Variants in AATF observed in about 807,000 individuals in gnomAD.
AATF encodes the protein apoptosis antagonizing transcription factor.
A neutral mutation model predicts 63.7 loss-of-function variants in AATF; 48 were observed. The observed-to-expected ratio is 0.75, with a 90% confidence interval of 0.60 to 0.96. The LOEUF is 0.96. Ranked by LOEUF, AATF falls within the 40% of genes least tolerant of loss-of-function variation. The pLI, the probability that AATF is intolerant of heterozygous loss-of-function variation, is 0.00. For synonymous variants in AATF, 258 were observed against 247.7 expected, an observed-to-expected ratio of 1.04 and a Z score of -0.39; for missense variants, 639 against 685.7, an observed-to-expected ratio of 0.93 and a Z score of 0.76.
chr17:36,972,089 T>G (rs752122070), intron 4 of AATF, among the ~76,000 whole-genome samples: 2 of 152,170 alleles, frequency 1.3e-5, no homozygotes, highest in Non-Finnish European at 2.9e-5. Flanking sequence ...TATGTGTGCT[T>G]ATTCCCAGAT....
At chr17:37,027,032 T>G (rs1005381562) in intron 10 of AATF, among the ~76,000 whole-genome samples, 20 of 152,204 alleles carry the variant, frequency 1.3e-4, no homozygotes, top group African/African-American at 4.6e-4. Flanking sequence ...TAGCAAAGAT[T>G]AACATTACCT....
chr17:36,965,047 G>T (rs1204500231), intron 4 of AATF, among the ~76,000 whole-genome samples: 1 of 152,148 alleles, frequency 6.6e-6, no homozygotes, highest in Non-Finnish European at 1.5e-5. Context: ...ATTCCTCATT[G>T]ATGTATTCTT....
chr17:37,052,824 T>C (rs1381844447), intron 11 of AATF: 1 of 152,136 alleles, frequency 6.6e-6, no homozygotes, highest in Non-Finnish European at 1.5e-5. Context: ...GGTACAGAGA[T>C]TGAGAAAGCA....
intron 8 of AATF, among the ~76,000 whole-genome samples, chr17:37,013,634 A>G (rs934966554): frequency 6.6e-6 from 1 of 152,112 alleles, no homozygotes; most frequent in Non-Finnish European, 1.5e-5. Context: ...GACTTCATCT[A>G]TGCATGAGGG....
chr17:36,967,861 CTTTT>C (rs372660652), intron 4 of AATF, among the ~76,000 whole-genome samples: 3 of 123,260 alleles, frequency 2.4e-5, no homozygotes, highest in Admixed American at 1.6e-4. Context: ...CAGACCTTGC[CTTTT>C]TTTTTTTTTT....
intron 10 of AATF, among the ~76,000 whole-genome samples, chr17:37,025,998 G>A (rs2071508118): frequency 1.3e-5 from 2 of 152,150 alleles, no homozygotes; most frequent in South Asian, 4.1e-4. Flanking sequence ...AAGATGAACA[G>A]CACCAGTAAA....
At chr17:36,990,729 T>A in intron 7 of AATF, 45 bp from the exon 8 acceptor site, 1 of 1,190,926 alleles carries the variant, frequency 8.4e-7, no homozygotes, top group Non-Finnish European at 1.2e-6. Context: ...ATTAGTTAGA[T>A]AGCCTTGTTG....
chr17:37,048,516 A>G (rs1429156710), intron 11 of AATF, among the ~76,000 whole-genome samples: 2 of 151,794 alleles, frequency 1.3e-5, no homozygotes, highest in East Asian at 1.9e-4. Flanking sequence ...GATTACAGGC[A>G]CACACCACCA....
At chr17:36,994,905 C>T (rs765998694) in intron 8 of AATF, among the ~76,000 whole-genome samples, 2 of 152,206 alleles carry the variant, frequency 1.3e-5, no homozygotes, top group African/African-American at 2.4e-5. Flanking sequence ...TGGCATGTGT[C>T]TTGATTTAAT....
chr17:37,019,837 C>T (rs545054362), intron 9 of AATF, among the ~76,000 whole-genome samples: 14 of 152,176 alleles, frequency 9.2e-5, no homozygotes, highest in African/African-American at 2.9e-4. Flanking sequence ...GTTGATATTT[C>T]GTTTATCTCT....
chr17:36,988,990 G>A (rs1274347979), intron 6 of AATF, among the ~76,000 whole-genome samples: 1 of 152,128 alleles, frequency 6.6e-6, no homozygotes, highest in Non-Finnish European at 1.5e-5. Context: ...CTTTAAAGGA[G>A]TGGATTTCAA....
At chr17:36,993,694 A>G (rs987478640) in intron 8 of AATF, among the ~76,000 whole-genome samples, 4 of 152,136 alleles carry the variant, frequency 2.6e-5, no homozygotes, top group Non-Finnish European at 5.9e-5. Context: ...GGTGGTGAAT[A>G]TAATACATTC....
chr17:36,958,724 G>A (rs951055926), intron 4 of AATF, among the ~76,000 whole-genome samples: 2 of 151,966 alleles, frequency 1.3e-5, no homozygotes, highest in Non-Finnish European at 2.9e-5. Flanking sequence ...CTCACCTTCT[G>A]GATTATTTTG....
At chr17:37,029,713 G>A (rs191816397) in intron 10 of AATF, among the ~76,000 whole-genome samples, 4 of 152,090 alleles carry the variant, frequency 2.6e-5, no homozygotes, top group Admixed American at 2.6e-4. Context: ...TTACAGGCAT[G>A]TGCCACCACA....
At chr17:36,973,798 C>T (rs545404659) in intron 4 of AATF, among the ~76,000 whole-genome samples, 69 of 152,122 alleles carry the variant, frequency 4.5e-4, no homozygotes, top group African/African-American at 1.6e-3. Flanking sequence ...AGGCTGGGGA[C>T]GGTGGCTTAC....
At chr17:36,995,533 T>G (rs2071248278) in intron 8 of AATF, among the ~76,000 whole-genome samples, 1 of 152,140 alleles carries the variant, frequency 6.6e-6, no homozygotes, top group South Asian at 2.1e-4. Flanking sequence ...TGATATTTTT[T>G]ATATATTTGT....
intron 4 of AATF, among the ~76,000 whole-genome samples, chr17:36,966,686 G>A (rs2070994262): frequency 6.6e-6 from 1 of 152,162 alleles, no homozygotes; most frequent in African/African-American, 2.4e-5. Flanking sequence ...TGTTGTTGTT[G>A]TGGTAAAGTC....
intron 8 of AATF, chr17:36,999,998 T>C (rs1320198268): frequency 6.6e-6 from 1 of 152,182 alleles, no homozygotes; most frequent in Non-Finnish European, 1.5e-5. Flanking sequence ...CTGTAGCACT[T>C]TGATGTGGCT....
chr17:37,015,473 A>T (rs1422102510), intron 8 of AATF, among the ~76,000 whole-genome samples: 1 of 152,082 alleles, frequency 6.6e-6, no homozygotes, highest in Admixed American at 6.5e-5. Context: ...CTTCTGAGGG[A>T]ATTCACATGG....
Sources: allele counts gnomAD v4.1 joint callset (sites outside exome capture counted in the v4.1 genomes callset), GRCh38; gene constraint gnomAD v4.1.1; transcripts MANE v1.5; gene names NCBI Gene and HGNC (gene_info 2026-07-23, HGNC 2026-07-21).